The following CTNND2 variants were observed in gnomAD, a reference collection of about 807,000 sequenced individuals.
CTNND2 encodes catenin delta 2.
A neutral mutation model predicts 144.4 loss-of-function variants in CTNND2; 22 were observed. The ratio of observed to expected loss-of-function variants is 0.15; its 90% confidence interval spans 0.11 to 0.22. The LOEUF (loss-of-function observed/expected upper bound fraction) is 0.22, where lower values mean the gene tolerates loss of function less well. Among genes scored for constraint, CTNND2 ranks in the 10% least tolerant of loss-of-function variants. CTNND2 has a pLI of 1.00. For synonymous variants in CTNND2, 751 were observed against 695.6 expected (o/e 1.08, Z -1.25); for missense variants, 1,353 against 1,618.8 (o/e 0.84, Z 2.82).
At chr5:10,983,261 C>A (rs961569615) in intron 20 of CTNND2, among the ~76,000 whole-genome samples, 1 of 151,996 alleles carries the variant, frequency 6.6e-6, no homozygotes, top group African/African-American at 2.4e-5. Context: ...CACATGGACC[C>A]CATAAGTAAG....
intron 12 of CTNND2, among the ~76,000 whole-genome samples, chr5:11,142,428 G>T (rs574270472): frequency 3.3e-5 from 5 of 152,176 alleles, no homozygotes; most frequent in Non-Finnish European, 5.9e-5. Context: ...GAATGCAAGG[G>T]GGATTCTTGA....
rs181631892 is a variant in CTNND2 at position 11,021,215 on chromosome 5, A to G, written c.2999+1554T>C. Among the ~76,000 whole-genome samples the G allele has an allele frequency of 3.9e-4, 59 of 152,310 alleles. 1 individual carries two copies. Among genetic ancestry groups the G allele is most frequent in the Non-Finnish European group, 8.8e-5 (6 of 68,024 alleles). ...CTTATTGCAGTAGGAATGCTCATAA[A>G]GTTGGAGAGAATTAATATATGCCAA... is the stretch of plus-strand genomic sequence containing the variant. On this transcript the variant is annotated intron_variant, in intron 17 of 21. Coordinates refer to ENST00000304623, the MANE Select transcript of CTNND2 (RefSeq NM_001332.4).
At chr5:11,662,985 G>T (rs1339301584) in intron 2 of CTNND2, among the ~76,000 whole-genome samples, 1 of 152,188 alleles carries the variant, frequency 6.6e-6, no homozygotes, top group African/African-American at 2.4e-5. Flanking sequence ...ATTATGTCAA[G>T]ACCAGGATGG....
chr5:11,612,070 C>T (rs369372086), intron 2 of CTNND2, among the ~76,000 whole-genome samples: 1 of 151,584 alleles, frequency 6.6e-6, no homozygotes, highest in African/African-American at 2.4e-5. Flanking sequence ...ACCAAGCCTA[C>T]GTAATGGAAA....
chr5:11,736,616 A>G (rs900400939), intron 1 of CTNND2, among the ~76,000 whole-genome samples: 1 of 152,198 alleles, frequency 6.6e-6, no homozygotes, highest in Non-Finnish European at 1.5e-5. Flanking sequence ...GCCTTAGGGT[A>G]AGTATAAAAA....
intron 1 of CTNND2, among the ~76,000 whole-genome samples, chr5:11,741,742 T>A (rs981953592): frequency 6.7e-6 from 1 of 148,288 alleles, no homozygotes; most frequent in Non-Finnish European, 1.5e-5. Context: ...TCTTATATAT[T>A]ATATATTCAT....
chr5:11,265,158 C>T (rs1328664970), intron 9 of CTNND2, among the ~76,000 whole-genome samples: 1 of 152,006 alleles, frequency 6.6e-6, no homozygotes, highest in African/African-American at 2.4e-5. Context: ...ATCAAAAAAA[C>T]TGCCATAAAT....
chr5:11,712,893 G>A (rs960839625), intron 2 of CTNND2, among the ~76,000 whole-genome samples: 1 of 152,136 alleles, frequency 6.6e-6, no homozygotes, highest in African/African-American at 2.4e-5. Context: ...AGTGAAAATG[G>A]GGATATGATA....
At position 11,351,272 on chromosome 5, in the gene CTNND2, G is replaced by T. The variant is rs1391177035; in HGVS notation, c.1373-4645C>A. Among the ~76,000 whole-genome samples, 3 of 152,170 alleles carry T rather than the reference G, an allele frequency of 2.0e-5. No homozygotes were observed. The South Asian group carries it at 6.2e-4, about 31-fold the overall frequency. ...CTCAGGGCAAACACTGGAGAGGGAAGGTGCTTCATCAACTCTGTAAACACA... is the reference window on the plus strand; with the variant it reads ...CTCAGGGCAAACACTGGAGAGGGAATGTGCTTCATCAACTCTGTAAACACA... On this transcript the variant is annotated intron_variant, in intron 8 of 21. Transcript: ENST00000304623.
intron 17 of CTNND2, among the ~76,000 whole-genome samples, chr5:11,021,439 T>G (rs7706478): frequency 0.039 from 5,889 of 152,218 alleles, 173 homozygotes; most frequent in Middle Eastern, 0.065. Context: ...AATTAGAGAT[T>G]CCAAAGGTCT....
At chr5:11,042,101 C>T (rs1485829481) in intron 16 of CTNND2, among the ~76,000 whole-genome samples, 1 of 152,124 alleles carries the variant, frequency 6.6e-6, no homozygotes, top group Non-Finnish European at 1.5e-5. Context: ...ATTCCATTTC[C>T]AGAGAAGTGG....
chr5:11,319,827 A>C (rs540608659), intron 9 of CTNND2, among the ~76,000 whole-genome samples: 21 of 151,426 alleles, frequency 1.4e-4, no homozygotes, highest in Non-Finnish European at 2.8e-4. Context: ...GGCCTGAAGA[A>C]GTCTACAGTT....
chr5:11,614,031 A>G lies in CTNND2; in HGVS notation c.175-48975T>C, dbSNP rs1475252796. Among the ~76,000 whole-genome samples, 3 of 152,220 alleles carry G rather than the reference A, an allele frequency of 2.0e-5. No individual in the cohort carries two copies. In the East Asian group the frequency reaches 5.8e-4, roughly 29 times the overall value. On this transcript the variant is annotated intron_variant, in intron 2 of 21. Coordinates refer to ENST00000304623, the MANE Select transcript of CTNND2 (RefSeq NM_001332.4). The stretch of plus-strand genomic sequence containing the variant: ...AAGAGTAAAATGTCTGCCAATTGAA[A>G]AAGTTTGAATACTTTCAATAAAAAA...
At chr5:10,999,220 C>G (rs1295291838) in intron 18 of CTNND2, among the ~76,000 whole-genome samples, 2 of 152,232 alleles carry the variant, frequency 1.3e-5, no homozygotes, top group African/African-American at 4.8e-5. Flanking sequence ...ATCTAGCCAG[C>G]TAGCAATCAA....
At chr5:11,547,913 C>T (rs1026531717) in intron 3 of CTNND2, among the ~76,000 whole-genome samples, 12 of 152,158 alleles carry the variant, frequency 7.9e-5, no homozygotes, top group Non-Finnish European at 1.5e-4. Flanking sequence ...ACCACTTGCA[C>T]GCCCACACAA....
intron 11 of CTNND2, among the ~76,000 whole-genome samples, chr5:11,162,259 C>T (rs1758847053): frequency 6.6e-6 from 1 of 152,018 alleles, no homozygotes; most frequent in Non-Finnish European, 1.5e-5. Context: ...GAGAATACAG[C>T]TATTTTTACT....
intron 12 of CTNND2, among the ~76,000 whole-genome samples, chr5:11,123,321 TGGTTCTTTTCA>T (rs1176925356): frequency 6.6e-6 from 1 of 152,204 alleles, no homozygotes; most frequent in African/African-American, 2.4e-5. Context: ...AAAGAGCATA[TGGTTCTTTTCA>T]GGACTCTTTC....
At chr5:11,664,519 T>G (rs1783450203) in intron 2 of CTNND2, among the ~76,000 whole-genome samples, 1 of 152,176 alleles carries the variant, frequency 6.6e-6, no homozygotes, top group Non-Finnish European at 1.5e-5. Flanking sequence ...AGTGGGAGGT[T>G]GCAGTGAGCT....
chr5:11,136,512 T>G (rs547095988), intron 12 of CTNND2, among the ~76,000 whole-genome samples: 5 of 152,252 alleles, frequency 3.3e-5, no homozygotes, highest in Non-Finnish European at 5.9e-5. Context: ...ATTTTGAGGG[T>G]TTTCTTAATG....
Sources: allele counts gnomAD v4.1 joint callset (sites outside exome capture counted in the v4.1 genomes callset), GRCh38; gene constraint gnomAD v4.1.1; transcripts MANE v1.5; gene names NCBI Gene and HGNC (gene_info 2026-07-23, HGNC 2026-07-21).